MATN2: variants seen among roughly 807,000 people sequenced by gnomAD.
The protein encoded by MATN2 is matrilin-2.
MATN2 carries 69 observed loss-of-function variants against 103.2 expected under a neutral mutation model. That is an observed-to-expected ratio of 0.67 (90% confidence interval 0.55 to 0.82). The LOEUF is 0.82. Among genes scored for constraint, MATN2 ranks in the 40% least tolerant of loss-of-function variants. MATN2 has a pLI of 0.00. For synonymous variants in MATN2, 429 were observed against 450.2 expected (o/e 0.95, Z 0.60); for missense variants, 1,023 against 1,211.5 (o/e 0.84, Z 2.31).
intron 3 of MATN2, among the ~76,000 whole-genome samples, chr8:97,937,780 T>C (rs572340832): frequency 6.6e-6 from 1 of 152,098 alleles, no homozygotes; most frequent in African/African-American, 2.4e-5. Flanking sequence ...GATTTTGCCA[T>C]GTTGGCCAGG....
At chr8:98,034,401 T>C (rs912844274) in intron 18 of MATN2, 12 of 317,934 alleles carry the variant, frequency 3.8e-5, no homozygotes, top group African/African-American at 2.4e-4. Flanking sequence ...AACTAGTCTA[T>C]AGGGAAATGG....
At chr8:97,972,913 G>T (rs1811710795) in intron 5 of MATN2, among the ~76,000 whole-genome samples, 1 of 152,166 alleles carries the variant, frequency 6.6e-6, no homozygotes, top group Non-Finnish European at 1.5e-5. Flanking sequence ...TGAGAACTTG[G>T]AACAATAGAG....
At chr8:98,008,047 T>A (rs988902174) in intron 10 of MATN2, among the ~76,000 whole-genome samples, 3 of 152,162 alleles carry the variant, frequency 2.0e-5, no homozygotes, top group African/African-American at 7.2e-5. Context: ...GGTCACCAGC[T>A]AGTGAGTGGT....
At chr8:97,979,033 C>T in intron 6 of MATN2, 25 bp downstream of exon 6, 1 of 1,590,536 alleles carries the variant, frequency 6.3e-7, no homozygotes, top group Non-Finnish European at 8.6e-7. Flanking sequence ...CATGCACACA[C>T]AGAGAAATAT....
chr8:97,995,079 C>CA (rs1191599117), intron 7 of MATN2, among the ~76,000 whole-genome samples: 1 of 152,130 alleles, frequency 6.6e-6, no homozygotes. Context: ...TCAAGGGGTA[C>CA]AGGGTGTCAG....
chr8:98,028,834 A>ACC (rs1234676548), intron 14 of MATN2, among the ~76,000 whole-genome samples: 1 of 152,052 alleles, frequency 6.6e-6, no homozygotes, highest in Non-Finnish European at 1.5e-5. Flanking sequence ...TGATCCACCC[A>ACC]CCTCAGCCTC....
chr8:97,878,251 G>A (rs900985803), intron 1 of MATN2, among the ~76,000 whole-genome samples: 1 of 152,104 alleles, frequency 6.6e-6, no homozygotes, highest in Non-Finnish European at 1.5e-5. Context: ...CCAAGAAATT[G>A]TATGTGGGGT....
At chr8:98,032,455 G>GTT (rs1302527596) in intron 16 of MATN2, 138 bp downstream of exon 16, 6 of 661,722 alleles carry the variant, frequency 9.1e-6, no homozygotes, top group Non-Finnish European at 1.3e-5. Context: ...CAAAAAGATA[G>GTT]TTAACATTTA....
chr8:97,955,873 T>C (rs1231403560), intron 4 of MATN2, among the ~76,000 whole-genome samples: 1 of 152,226 alleles, frequency 6.6e-6, no homozygotes, highest in Non-Finnish European at 1.5e-5. Context: ...ATGCAGTGGA[T>C]AGCAGGGCAC....
chr8:97,927,986 G>A (rs1223883224), intron 2 of MATN2, among the ~76,000 whole-genome samples: 1 of 152,096 alleles, frequency 6.6e-6, no homozygotes, highest in Non-Finnish European at 1.5e-5. Flanking sequence ...CAGGGTCTAA[G>A]CCTGGCCCCT....
At chr8:97,889,706 G>A (rs1415789544) in intron 2 of MATN2, among the ~76,000 whole-genome samples, 1 of 151,954 alleles carries the variant, frequency 6.6e-6, no homozygotes, top group Non-Finnish European at 1.5e-5. Flanking sequence ...ACCTCCCAAA[G>A]TGCTGGGATT....
chr8:97,893,734 G>A (rs930285423), intron 2 of MATN2, among the ~76,000 whole-genome samples: 2 of 151,980 alleles, frequency 1.3e-5, no homozygotes, highest in South Asian at 2.1e-4. Context: ...CTGCCACCAC[G>A]CCCGGTTAAT....
chr8:98,019,702 T>C (rs778530068), intron 12 of MATN2, among the ~76,000 whole-genome samples: 6 of 152,188 alleles, frequency 3.9e-5, no homozygotes, highest in Non-Finnish European at 7.4e-5. Flanking sequence ...TTCCCCACCA[T>C]GAGATTCTGA....
At chr8:98,033,842 C>A (rs1274668057) in intron 18 of MATN2, 183 bp downstream of exon 18, 4 of 556,886 alleles carry the variant, frequency 7.2e-6, no homozygotes, top group Admixed American at 3.2e-5. Context: ...CAAGGGCAAG[C>A]CAAGCTTATT....
intron 11 of MATN2, 77 bp from the exon 12 acceptor site, chr8:98,017,917 T>G: frequency 1.3e-6 from 2 of 1,547,784 alleles, no homozygotes; most frequent in Non-Finnish European, 1.8e-6. Flanking sequence ...CTGACTCCAG[T>G]GGATGGGTCC....
At chr8:97,881,486 A>G (rs1352626799) in intron 1 of MATN2, among the ~76,000 whole-genome samples, 4 of 152,238 alleles carry the variant, frequency 2.6e-5, no homozygotes, top group African/African-American at 9.6e-5. Flanking sequence ...GGTGAAGTTA[A>G]ATGAAAAGAC....
At chr8:98,033,519 T>C (rs1586178830) in intron 17 of MATN2, 42 bp from the exon 18 acceptor site, 1 of 1,009,158 alleles carries the variant, frequency 9.9e-7, no homozygotes, top group Non-Finnish European at 1.5e-6. Context: ...CTGGGAAGTC[T>C]GGTGGATTCT....
chr8:97,912,885 CAG>C (rs1809492818), intron 2 of MATN2, among the ~76,000 whole-genome samples: 1 of 152,150 alleles, frequency 6.6e-6, no homozygotes, highest in Non-Finnish European at 1.5e-5. Flanking sequence ...GTGCAGGAAA[CAG>C]AGCTCTCTAG....
At position 97,931,410 on chromosome 8, in the gene MATN2, C is replaced by T. The variant is rs541489442; in HGVS notation, c.600C>T (p.Asp200=). Residue 200 remains aspartate, a synonymous_variant, in exon 3 of 19, where the codon GAC becomes GAT. Transcript: ENST00000254898. The surrounding 1 kb of genome is among the most constrained non-coding windows in gnomAD (Gnocchi z 4.1). ...TTGCCATTGGTGTGGGCCAGGTAGA[C>T]TTCAACACCTTGAAGTCCATTGGGA... The part of the protein sequence containing the change: ...LIFAIGVGQV[D]FNTLKSIGSE... The T allele has an allele frequency of 1.9e-6, 3 of 1,613,776 alleles. No homozygotes were observed. The highest frequency in any genetic ancestry group is 1.3e-5 in the African/African-American group (1 of 75,050).
Sources: gnomAD v4.1 joint callset for allele counts (sites outside exome capture counted in the v4.1 genomes callset) on GRCh38, gnomAD v4.1.1 for gene constraint, Gnocchi (gnomAD v3.1) non-coding constraint, MANE v1.5 for transcripts, NCBI Gene and HGNC (gene_info 2026-07-23, HGNC 2026-07-21) for gene names.